The following CD8B2 variants were observed in gnomAD, a reference collection of about 807,000 sequenced individuals.
CD8B2 encodes CD8B family member 2, also known as T-cell surface glycoprotein CD8 beta-2 chain.
A neutral mutation model predicts 23.7 loss-of-function variants in CD8B2; 11 were observed. The ratio of observed to expected loss-of-function variants is 0.46; its 90% CI spans 0.29 to 0.77. The LOEUF (loss-of-function observed/expected upper bound fraction) is 0.77. Ranked by LOEUF, CD8B2 falls within the 30% of genes least tolerant of loss-of-function variation. The probability of loss-of-function intolerance (pLI) is 0.09; values close to 1 mark genes in which losing one functional copy is unlikely to be tolerated. For missense variants in CD8B2, 197 were observed against 270.5 expected, an observed-to-expected ratio of 0.73 and a Z score of 1.91; for synonymous variants, 90 against 109.3, an observed-to-expected ratio of 0.82 and a Z score of 1.10.
intron 5 of CD8B2, among the ~76,000 whole-genome samples, chr2:106,506,671 T>C (rs6757054): frequency 0.96 from 142,752 of 148,758 alleles, 68,777 homozygotes; most frequent in East Asian, 1. Flanking sequence ...CTTAGATTAT[T>C]TTAGAGGTAC....
chr2:106,513,827 C>T (rs1436648459), downstream of CD8B2, among the ~76,000 whole-genome samples: 1 of 152,150 alleles, frequency 6.6e-6, no homozygotes, highest in African/African-American at 2.4e-5. Flanking sequence ...CACGAAGGCT[C>T]TAGCTGGGCC....
intron 5 of CD8B2, among the ~76,000 whole-genome samples, chr2:106,521,084 T>C (rs1679819742): frequency 1.4e-5 from 2 of 145,020 alleles, no homozygotes; most frequent in African/African-American, 5.1e-5. Context: ...GATGCGAGAA[T>C]GGAAAGAGAT....
At chr2:106,530,493 C>T (rs1405406663) in intron 5 of CD8B2, among the ~76,000 whole-genome samples, 2 of 151,930 alleles carry the variant, frequency 1.3e-5, no homozygotes, top group Non-Finnish European at 2.9e-5. Flanking sequence ...ATTCTCCCGC[C>T]TCAGCCTCCT....
Position 106,507,542 on chromosome 2 carries a change from T to G in CD8B2, c.*602T>G. 4.1e-6 allele frequency: 4 copies of G among 982,546 alleles called. No homozygotes were observed. Among genetic ancestry groups the G allele is most frequent in the Non-Finnish European group, 3.6e-6 (3 of 827,328 alleles). 60.9% of individuals were successfully genotyped at this position (982,546 alleles called of 1,614,324 possible). A position where few individuals can be genotyped will look rare whatever the true frequency, so the allele number is the denominator to read the frequency against. Reference sequence around the variant, plus strand: ...TCACTTCATCTTCTTAGCTCCAATTTCTACTCTTAAGTTTCTCAGCTCCCA... The same window carrying G: ...TCACTTCATCTTCTTAGCTCCAATTGCTACTCTTAAGTTTCTCAGCTCCCA... On this transcript the variant is annotated 3_prime_UTR_variant, in exon 6 of 6. Coordinates refer to ENST00000643224, the MANE Select transcript of CD8B2 (RefSeq NM_001349727.2).
intron 2 of CD8B2, among the ~76,000 whole-genome samples, chr2:106,492,881 A>G (rs974248863): frequency 1.3e-5 from 2 of 152,204 alleles, no homozygotes; most frequent in Non-Finnish European, 2.9e-5. Flanking sequence ...TTCGTATTGA[A>G]AAATGGACTT....
chr2:106,539,105 G>C (rs1680134571), intron 5 of CD8B2, among the ~76,000 whole-genome samples: 1 of 152,194 alleles, frequency 6.6e-6, no homozygotes, highest in South Asian at 2.1e-4. Context: ...ACTCATTTCA[G>C]GGCCAGGGCA....
In CD8B2 at chr2:106,491,086, G is replaced by C. The variant is rs1679187153; in HGVS notation, c.256G>C (p.Glu86Gln). ...AGGGACTATCCACGGTGAAGAGGTG[G>C]AACAGGAGAAGATAGCTGTGTTTCG... ...AKGTIHGEEV[E>Q]QEKIAVFRDA... The change falls in exon 2 of 6, where the codon GAA (glutamate) becomes CAA (glutamine). Residue 86 changes from glutamate (E) to glutamine (Q), a missense_variant. Around this residue, in one of 3 missense-constraint regions of CD8B2, gnomAD observed 140 missense variants for 164.2 expected, o/e 0.85. Coordinates refer to ENST00000643224, the MANE Select transcript of CD8B2 (RefSeq NM_001349727.2). The C allele has an allele frequency of 1.2e-6, 2 of 1,613,916 alleles. No homozygotes were observed. Among genetic ancestry groups the C allele is most frequent in the South Asian group, 2.2e-5 (2 of 91,070 alleles).
At position 106,510,901 on chromosome 2, in the gene CD8B2, G is replaced by T. The variant is rs1270561027; in HGVS notation, c.*3961G>T. On this transcript the variant is annotated 3_prime_UTR_variant, in exon 6 of 6. Transcript: ENST00000643224. The stretch of plus-strand genomic sequence containing the variant: ...TCTTTTTTCTCTAATAATAAATCAA[G>T]GCCTCCGGGTATATTTGTTTGTATA... 6.6e-6 allele frequency: 1 copy of T among 151,788 alleles called. No individual in the cohort carries two copies. Among genetic ancestry groups the T allele is most frequent in the Non-Finnish European group, 1.5e-5 (1 of 68,020 alleles). The allele number at this position is 151,788 out of a possible 1,614,324, so 9.4% of individuals were successfully genotyped here.
rs145169481 is a variant in CD8B2, at chr2:106,501,561, A to G, written c.494-913A>G. On this transcript the variant is annotated intron_variant, in intron 3 of 5. Transcript: ENST00000643224. ...GCCAGGCATGACGGCGGACGCCTGT[A>G]ATCCCAGCTACTTGGGAGGCTGAGG... Among the ~76,000 whole-genome samples, 1,501 of 152,242 alleles carry G rather than the reference A, an allele frequency of 9.9e-3. 28 individuals are homozygous for G. Among genetic ancestry groups the G allele is most frequent in the African/African-American group, 0.034 (1,399 of 41,506 alleles).
At chr2:106,505,749 T>G (rs1679492727) in intron 5 of CD8B2, among the ~76,000 whole-genome samples, 3 of 152,198 alleles carry the variant, frequency 2.0e-5, no homozygotes, top group Admixed American at 2.0e-4. Context: ...TTGTGTACAA[T>G]TTTCACCTTG....
downstream of CD8B2, among the ~76,000 whole-genome samples, chr2:106,511,759 G>A (rs974654483): frequency 1.6e-4 from 24 of 152,258 alleles, no homozygotes; most frequent in Non-Finnish European, 1.3e-4. Flanking sequence ...AACCTCCTTC[G>A]ATGCGTCACT....
At chr2:106,535,226 T>C (rs1223929744) in intron 5 of CD8B2, 4 of 152,176 alleles carry the variant, frequency 2.6e-5, no homozygotes, top group African/African-American at 4.8e-5. Context: ...GTCCCAGATG[T>C]TTCTCTAGGG....
intron 1 of CD8B2, among the ~76,000 whole-genome samples, 159 bp from the exon 2 acceptor site, chr2:106,490,715 G>A (rs1371000281): frequency 6.6e-6 from 1 of 152,258 alleles, no homozygotes; most frequent in Non-Finnish European, 1.5e-5. Flanking sequence ...TGAACTCTGA[G>A]TCCAGGAGCC....
Position 106,490,937 on chromosome 2 carries a change from T to C in CD8B2, c.107T>C (p.Met36Thr), listed in dbSNP as rs533493720. The change falls in exon 2 of 6, where the codon ATG (methionine) becomes ACG (threonine). Residue 36 changes from methionine to threonine, a missense_variant. This residue lies in a region of CD8B2 where 140 missense variants were observed against 164.2 expected (regional missense o/e 0.85). Coordinates refer to ENST00000643224, the MANE Select transcript of CD8B2 (RefSeq NM_001349727.2). ...PAYIKVQTNK[M>T]VMLSCEAKIS... ...TACATAAAGGTGCAAACCAACAAGA[T>C]GGTGATGCTGTCCTGCGAGGCTAAA... The C allele has an allele frequency of 1.4e-3, 2,296 of 1,613,528 alleles. 4 individuals carry two copies. The highest frequency in any genetic ancestry group is 4.3e-3 in the Middle Eastern group (26 of 6,056).
intron 5 of CD8B2, chr2:106,543,185 C>T (rs889313307): frequency 1.3e-5 from 2 of 152,136 alleles, no homozygotes; most frequent in Non-Finnish European, 1.5e-5. Context: ...AACTGCCTTA[C>T]CTGCAGCTAC....
At chr2:106,497,047 G>A (rs1679313599) in intron 3 of CD8B2, among the ~76,000 whole-genome samples, 1 of 152,218 alleles carries the variant, frequency 6.6e-6, no homozygotes, top group Admixed American at 6.5e-5. Context: ...GGCCCAGATG[G>A]GTGGATCGCC....
chr2:106,507,791 A>G lies in CD8B2; in HGVS notation c.*851A>G. 1 of 288,244 alleles carries G rather than the reference A, an allele frequency of 3.5e-6. No individual in the cohort carries two copies. The highest frequency in any genetic ancestry group is 5.2e-6 in the Non-Finnish European group (1 of 192,602). 17.9% of individuals were successfully genotyped at this position (288,244 alleles called of 1,614,324 possible). On this transcript the variant is annotated 3_prime_UTR_variant, in exon 6 of 6. Transcript: ENST00000643224. ...TGCACCTGAGATCCTCATTTGCCCG[A>G]CATTGTAGGTGTGGAGAGTCCTAGA...
At chr2:106,520,963 A>AT (rs1679815732) in intron 5 of CD8B2, among the ~76,000 whole-genome samples, 1 of 149,998 alleles carries the variant, frequency 6.7e-6, no homozygotes, top group African/African-American at 2.5e-5. Flanking sequence ...AAAGAAAGAG[A>AT]TAGGAGAACA....
rs199583596 is a variant in CD8B2 at position 106,491,204 on chromosome 2, C to A, written c.374C>A (p.Thr125Asn). ...FCMIVGSPEL[T>N]FGKGTQLSVV... Reference sequence around the variant, plus strand: ...ATGATCGTCGGGAGCCCCGAGCTGACCTTCGGGAAGGGAACTCAGCTGAGT... The same window carrying A: ...ATGATCGTCGGGAGCCCCGAGCTGAACTTCGGGAAGGGAACTCAGCTGAGT... The change falls in exon 2 of 6, where the codon ACC (threonine) becomes AAC (asparagine). Residue 125 changes from threonine to asparagine, a missense_variant. Around this residue, in one of 3 missense-constraint regions of CD8B2, gnomAD observed 140 missense variants for 164.2 expected, o/e 0.85. Coordinates refer to ENST00000643224, the MANE Select transcript of CD8B2 (RefSeq NM_001349727.2). The A allele has an allele frequency of 4.4e-5, 70 of 1,607,644 alleles. No homozygotes were observed. The highest frequency in any genetic ancestry group is 1.7e-4 in the Middle Eastern group (1 of 6,058).
Sources: gnomAD v4.1 joint callset for allele counts (sites outside exome capture counted in the v4.1 genomes callset) on GRCh38, gnomAD v4.1.1 for gene constraint, gnomAD v4.1.1 regional missense constraint, MANE v1.5 for transcripts, NCBI Gene and HGNC (gene_info 2026-07-23, HGNC 2026-07-21) for gene names.